The following UQCC1 variants were observed in gnomAD, a reference collection of about 807,000 sequenced individuals.
UQCC1 encodes the protein bFGF-repressed Zic-binding protein.
In UQCC1, 38 loss-of-function variants were observed where a neutral mutation model predicts 48.0. The observed-to-expected ratio is 0.79, with a 90% CI of 0.61 to 1.04. UQCC1 has a LOEUF of 1.04. Ranked by LOEUF, UQCC1 falls within the 50% of genes least tolerant of loss-of-function variation. UQCC1 has a pLI of 0.00. For synonymous variants in UQCC1, 111 were observed against 129.2 expected (o/e 0.86, Z 0.95); for missense variants, 368 against 381.8 (o/e 0.96, Z 0.30).
At chr20:35,333,215 T>C (rs868277202) in intron 7 of UQCC1, among the ~76,000 whole-genome samples, 14 of 152,194 alleles carry the variant, frequency 9.2e-5, no homozygotes, top group African/African-American at 3.1e-4. Context: ...TGCTCCTTGG[T>C]TCTCCTCAGT....
At chr20:35,359,219 T>C (rs1280626412) in intron 6 of UQCC1, among the ~76,000 whole-genome samples, 2 of 152,230 alleles carry the variant, frequency 1.3e-5, no homozygotes, top group African/African-American at 4.8e-5. Context: ...TTTACATTCA[T>C]TCTGTCTCTC....
At chr20:35,382,289 G>A (rs1282342831) in intron 3 of UQCC1, among the ~76,000 whole-genome samples, 5 of 151,252 alleles carry the variant, frequency 3.3e-5, no homozygotes, top group African/African-American at 7.3e-5. Context: ...TAAATTTTCT[G>A]TGGAGGTGGG....
At chr20:35,308,933 CT>C (rs1200971550) in intron 8 of UQCC1, among the ~76,000 whole-genome samples, 1 of 152,166 alleles carries the variant, frequency 6.6e-6, no homozygotes, top group Non-Finnish European at 1.5e-5. Context: ...CCAGGGTGGT[CT>C]CGAACTCCTG....
intron 7 of UQCC1, among the ~76,000 whole-genome samples, chr20:35,334,950 C>A (rs1408910358): frequency 6.6e-6 from 1 of 152,182 alleles, no homozygotes; most frequent in South Asian, 2.1e-4. Flanking sequence ...TCAGGCTTAC[C>A]CGAAGAGTGG....
At chr20:35,338,886 A>ATATATATATATATAT (rs1448648931) in intron 7 of UQCC1, among the ~76,000 whole-genome samples, 1 of 56,736 alleles carries the variant, frequency 1.8e-5, no homozygotes, top group Non-Finnish European at 2.9e-5. Context: ...AAAAAAAAAA[A>ATATATATATATATAT]AAAAAAATAT....
intron 6 of UQCC1, among the ~76,000 whole-genome samples, chr20:35,366,259 A>T (rs1363293163): frequency 6.6e-6 from 1 of 152,204 alleles, no homozygotes; most frequent in Non-Finnish European, 1.5e-5. Context: ...AAAACAGCCA[A>T]GGGAGAGAAA....
chr20:35,324,646 C>T (rs1447627629), intron 7 of UQCC1, among the ~76,000 whole-genome samples: 2 of 152,200 alleles, frequency 1.3e-5, no homozygotes, highest in Admixed American at 6.5e-5. Context: ...ATTCCATTTA[C>T]ACCCACTAGG....
intron 2 of UQCC1, chr20:35,386,369 A>T: frequency 6.6e-6 from 3 of 453,726 alleles, no homozygotes; most frequent in Middle Eastern, 6.7e-4. Flanking sequence ...ATGGAATGAA[A>T]ATGATTTTTT....
In UQCC1 at chr20:35,314,720, G is replaced by C. The variant is rs1388503496; in HGVS notation, c.619C>G (p.His207Asp). 6.2e-7 allele frequency: 1 copy of C among 1,608,822 alleles called. No homozygotes were observed. Among genetic ancestry groups the C allele is most frequent in the Non-Finnish European group, 8.5e-7 (1 of 1,175,946 alleles). Residue 207 changes from histidine (H) to aspartate (D), a missense_variant, in exon 8 of 10, where the codon CAT (histidine) becomes GAT (aspartate). Transcript: ENST00000374385. ...LKKNMILMTNHFYAAILGYDE... is the reference protein window; with the variant it reads ...LKKNMILMTNDFYAAILGYDE... ...TATCCCAAGATCGCTGCATAGAAAT[G>C]ATTTGTCATGAGGATCATGTTCTTC...
chr20:35,354,485 C>T (rs1600931137), intron 6 of UQCC1, among the ~76,000 whole-genome samples: 1 of 151,874 alleles, frequency 6.6e-6, no homozygotes, highest in East Asian at 1.9e-4. Context: ...CAAGCTCCGC[C>T]TCCTGGGTTC....
chr20:35,389,982 C>T (rs993545450), intron 2 of UQCC1, among the ~76,000 whole-genome samples: 2 of 152,112 alleles, frequency 1.3e-5, no homozygotes, highest in African/African-American at 4.8e-5. Flanking sequence ...GAAGAGTACG[C>T]AGCCTTAAAA....
intron 2 of UQCC1, among the ~76,000 whole-genome samples, chr20:35,392,802 T>C (rs1233219201): frequency 2.6e-5 from 4 of 151,568 alleles, no homozygotes; most frequent in African/African-American, 9.7e-5. Context: ...AGATTATATA[T>C]GTTACATAAA....
At position 35,411,958 on chromosome 20, in the gene UQCC1, C is replaced by T. The variant is rs182335707; in HGVS notation, c.6G>A (p.Ala2=). M[A]LLVRVLRNQT... ...CACTCACAAGGACTCGCACCAGCAA[C>T]GCCATGTTCCTCAATAACCATTTCC... Residue 2 remains alanine (A), a synonymous_variant, in exon 1 of 10, where the codon GCG becomes GCA. Transcript: ENST00000374385. The T allele has an allele frequency of 1.3e-5, 21 of 1,614,244 alleles. No homozygotes were observed. The Admixed American group carries it at 2.0e-4, about 15-fold the overall frequency.
intron 7 of UQCC1, among the ~76,000 whole-genome samples, chr20:35,334,021 G>C (rs1373369482): frequency 6.6e-6 from 1 of 152,108 alleles, no homozygotes; most frequent in Non-Finnish European, 1.5e-5. Context: ...TAGGTTAAAG[G>C]CTAGAAATTT....
At chr20:35,338,892 A>AATAT (rs1555805505) in intron 7 of UQCC1, among the ~76,000 whole-genome samples, 5,017 of 30,434 alleles carry the variant, frequency 0.16, 677 homozygotes, top group Middle Eastern at 0.25. Flanking sequence ...AAAAAAAAAA[A>AATAT]ATATATATAT....
At position 35,366,561 on chromosome 20, in the gene UQCC1, C is replaced by G. The variant is rs2061668416; in HGVS notation, c.460G>C (p.Val154Leu). Residue 154 changes from valine (V) to leucine (L), a missense_variant, in exon 6 of 10, where the codon GTC (valine) becomes CTC (leucine). Val to Leu is a conservative substitution (Grantham distance 32, BLOSUM62 1). Transcript: ENST00000374385. ...NSWFLITLLH[V>L]WMCLVRMKQE... The stretch of plus-strand genomic sequence containing the variant: ...TCATTTAAATTGCTCACTTACCAGA[C>G]GTGGAGTAGGGTTATAAGAAACCAT... 2 of 1,613,648 alleles carry G rather than the reference C, an allele frequency of 1.2e-6. No individual in the cohort carries two copies.
At chr20:35,330,606 T>C (rs1184984900) in intron 7 of UQCC1, among the ~76,000 whole-genome samples, 1 of 152,194 alleles carries the variant, frequency 6.6e-6, no homozygotes, top group Non-Finnish European at 1.5e-5. Context: ...ATACCCCTAG[T>C]ACGTTATGAA....
intron 6 of UQCC1, among the ~76,000 whole-genome samples, chr20:35,364,023 A>G (rs916969763): frequency 2.6e-5 from 4 of 152,174 alleles, no homozygotes; most frequent in African/African-American, 9.7e-5. Flanking sequence ...AGCACAACTG[A>G]GCCCCAAACT....
intron 1 of UQCC1, among the ~76,000 whole-genome samples, chr20:35,404,223 G>A (rs2146541304): frequency 1.3e-5 from 2 of 152,276 alleles, no homozygotes; most frequent in South Asian, 4.1e-4. Flanking sequence ...CAAAAAATTA[G>A]CCAGGCGTGG....
Sources: allele counts gnomAD v4.1 joint callset (sites outside exome capture counted in the v4.1 genomes callset), GRCh38; gene constraint gnomAD v4.1.1; transcripts MANE v1.5; gene names NCBI Gene and HGNC (gene_info 2026-07-23, HGNC 2026-07-21).